The following TDRD3 variants were observed in gnomAD, a reference collection of about 807,000 sequenced individuals.
TDRD3 encodes tudor domain-containing protein 3.
TDRD3 carries 45 observed loss-of-function variants against 86.7 expected under a neutral mutation model. The ratio of observed to expected loss-of-function variants is 0.52; its 90% CI spans 0.41 to 0.67. TDRD3 has a LOEUF of 0.67. TDRD3 is among the 30% of genes least tolerant of loss of function. The pLI is 0.00. For missense variants in TDRD3, 814 were observed against 889.0 expected, an observed-to-expected ratio of 0.92 and a Z score of 1.07; for synonymous variants, 298 against 301.7, an observed-to-expected ratio of 0.99 and a Z score of 0.13.
At chr13:60,437,496 A>G (rs1488399664) in intron 1 of TDRD3, among the ~76,000 whole-genome samples, 1 of 151,886 alleles carries the variant, frequency 6.6e-6, no homozygotes, top group Non-Finnish European at 1.5e-5. Flanking sequence ...TTAACTTTGC[A>G]TCTTCTAAAT....
chr13:60,498,770 T>C (rs769718119), intron 8 of TDRD3, among the ~76,000 whole-genome samples: 5 of 152,226 alleles, frequency 3.3e-5, no homozygotes, highest in East Asian at 1.9e-4. Context: ...TAACTGTGCA[T>C]TGGGGAAAGA....
chr13:60,514,795 T>A (rs188549214), intron 10 of TDRD3, among the ~76,000 whole-genome samples: 1 of 152,334 alleles, frequency 6.6e-6, no homozygotes, highest in East Asian at 1.9e-4. Context: ...TAAAGGGTTT[T>A]TGGCATAAGA....
chr13:60,433,391 A>G (rs1002049066), intron 1 of TDRD3, among the ~76,000 whole-genome samples: 1 of 152,216 alleles, frequency 6.6e-6, no homozygotes, highest in Admixed American at 6.5e-5. Context: ...ACCAGACTGA[A>G]TGATTTGATA....
At chr13:60,467,754 G>A (rs1029042896) in intron 5 of TDRD3, among the ~76,000 whole-genome samples, 2 of 152,172 alleles carry the variant, frequency 1.3e-5, no homozygotes, top group East Asian at 3.8e-4. Flanking sequence ...GCAAGTAAAA[G>A]TAAGTTAGAA....
At chr13:60,421,665 C>G (rs1194693233) in intron 1 of TDRD3, among the ~76,000 whole-genome samples, 1 of 152,190 alleles carries the variant, frequency 6.6e-6, no homozygotes, top group East Asian at 1.9e-4. Context: ...AAACAATGCT[C>G]TCAACCTTAT....
chr13:60,537,658 T>G (rs1229348335), intron 12 of TDRD3: 1 of 151,988 alleles, frequency 6.6e-6, no homozygotes, highest in African/African-American at 2.4e-5. Flanking sequence ...CTAGAAAAAT[T>G]AAAGGGCTGC....
chr13:60,446,565 A>G (rs912471555), intron 3 of TDRD3, among the ~76,000 whole-genome samples: 1 of 152,138 alleles, frequency 6.6e-6, no homozygotes, highest in Non-Finnish European at 1.5e-5. Flanking sequence ...ATAAGAATAT[A>G]TATTATTCTC....
At chr13:60,517,305 G>C (rs1957193784) in intron 10 of TDRD3, among the ~76,000 whole-genome samples, 1 of 151,982 alleles carries the variant, frequency 6.6e-6, no homozygotes, top group Non-Finnish European at 1.5e-5. Context: ...AATGGTAATA[G>C]CTTAATTGGA....
intron 3 of TDRD3, among the ~76,000 whole-genome samples, chr13:60,446,294 C>A (rs1955395789): frequency 6.6e-6 from 1 of 152,106 alleles, no homozygotes. Context: ...ATGATCTCAG[C>A]TCACTGCAAC....
At chr13:60,429,676 T>A (rs1233420772) in intron 1 of TDRD3, among the ~76,000 whole-genome samples, 3 of 152,178 alleles carry the variant, frequency 2.0e-5, no homozygotes, top group African/African-American at 4.8e-5. Flanking sequence ...TTCTGACACT[T>A]TTCTTTAGTT....
chr13:60,549,046 T>TA (rs1162475116), intron 12 of TDRD3, among the ~76,000 whole-genome samples: 3 of 152,162 alleles, frequency 2.0e-5, no homozygotes, highest in South Asian at 2.1e-4. Context: ...ACACCTGTGA[T>TA]AAAAAAGATC....
At chr13:60,462,434 T>C (rs1238891798) in intron 4 of TDRD3, among the ~76,000 whole-genome samples, 1 of 152,234 alleles carries the variant, frequency 6.6e-6, no homozygotes, top group Non-Finnish European at 1.5e-5. Flanking sequence ...TGAAGCAGCA[T>C]GCCTACTTTT....
Position 60,397,321 on chromosome 13 carries a change from AC to A in TDRD3, c.-39del. 3 of 1,113,160 alleles carry A rather than the reference AC, an allele frequency of 2.7e-6. No homozygotes were observed. Among genetic ancestry groups the A allele is most frequent in the Non-Finnish European group, 2.4e-6 (2 of 829,458 alleles). The allele number at this position is 1,113,160 out of a possible 1,614,324, so 69.0% of individuals were successfully genotyped here. On this transcript the variant is annotated 5_prime_UTR_variant, in exon 1 of 14. The change abolishes the stop of an existing upstream ORF in the 5' untranslated region. Coordinates refer to ENST00000377881, the MANE Select transcript of TDRD3 (RefSeq NM_001146070.2). The stretch of plus-strand genomic sequence containing the variant: ...GTCTCAAGTAGGAGGCCTCCCCATC[AC>A]CCCCACCCCAGCCCCCCACCACCCC...
At chr13:60,546,578 A>G (rs1161487174) in intron 12 of TDRD3, among the ~76,000 whole-genome samples, 1 of 152,140 alleles carries the variant, frequency 6.6e-6, no homozygotes, top group Non-Finnish European at 1.5e-5. Context: ...AAAAGACTGA[A>G]TATGTGAATT....
Position 60,485,934 on chromosome 13 carries a change from G to A in TDRD3, c.703G>A (p.Ala235Thr), listed in dbSNP as rs1254676782. The change falls in exon 7 of 14, where the codon GCA becomes ACA. Residue 235 changes from alanine to threonine, a missense_variant. By Grantham distance (58) the Ala-to-Thr change is moderately conservative. Transcript: ENST00000377881. ...KQRTAAIAEV[A>T]KSKETKTFGG... ...AAGGACGGCTGCTATTGCTGAAGTT[G>A]CAAAGAGCAAGGAAGTAAGAAATCA... is the stretch of plus-strand genomic sequence containing the variant. The A allele has an allele frequency of 6.2e-6, 10 of 1,607,818 alleles. No homozygotes were observed. Among genetic ancestry groups the A allele is most frequent in the Admixed American group, 1.7e-5 (1 of 59,070 alleles).
rs199694530 is a variant in TDRD3 at position 60,476,570 on chromosome 13, G to GT, written c.496-7196dup. Among the ~76,000 whole-genome samples, 471 of 151,290 alleles carry GT rather than the reference G, an allele frequency of 3.1e-3. 2 individuals are homozygous for GT. Among genetic ancestry groups the GT allele is most frequent in the African/African-American group, 0.011 (438 of 41,230 alleles). On this transcript the variant is annotated intron_variant, in intron 5 of 13. Coordinates refer to ENST00000377881, the MANE Select transcript of TDRD3 (RefSeq NM_001146070.2). ...TTGGTTCCATATGAATTTTAGAATA[G>GT]TTTTTTTTTCTAATTCTGTGAAGAA... is the stretch of plus-strand genomic sequence containing the variant.
chr13:60,461,191 G>A (rs1955795293), intron 4 of TDRD3, among the ~76,000 whole-genome samples: 1 of 152,142 alleles, frequency 6.6e-6, no homozygotes, highest in African/African-American at 2.4e-5. Flanking sequence ...GTAGTTGTGT[G>A]TATAATAGTG....
chr13:60,493,004 C>T (rs1382548391), intron 7 of TDRD3, among the ~76,000 whole-genome samples: 1 of 149,230 alleles, frequency 6.7e-6, no homozygotes, highest in African/African-American at 2.5e-5. Flanking sequence ...CTGCAAGCTC[C>T]GCCTCCCAGG....
intron 10 of TDRD3, among the ~76,000 whole-genome samples, chr13:60,524,770 GA>G (rs2137750144): frequency 6.6e-6 from 1 of 152,078 alleles, no homozygotes; most frequent in African/African-American, 2.4e-5. Context: ...CATTTTGAAT[GA>G]AATGGATATA....
Sources: allele counts gnomAD v4.1 joint callset (sites outside exome capture counted in the v4.1 genomes callset), GRCh38; gene constraint gnomAD v4.1.1; transcripts MANE v1.5; gene names NCBI Gene and HGNC (gene_info 2026-07-23, HGNC 2026-07-21).